The following LAMTOR3 variants were observed in gnomAD, a reference collection of about 807,000 sequenced individuals.
The protein encoded by LAMTOR3 is late endosomal/lysosomal adaptor, MAPK and MTOR activator 3.
LAMTOR3 carries 14 observed loss-of-function variants against 20.3 expected under a neutral mutation model. The observed-to-expected ratio is 0.69, with a 90% CI of 0.46 to 1.08. The LOEUF (loss-of-function observed/expected upper bound fraction) is 1.08. Ranked by LOEUF, LAMTOR3 falls within the 50% of genes least tolerant of loss-of-function variation. The pLI is 0.00. For synonymous variants in LAMTOR3, 40 were observed against 49.4 expected (o/e 0.81, Z 0.80); for missense variants, 125 against 143.7 (o/e 0.87, Z 0.67).
In LAMTOR3 at chr4:99,879,730, T is replaced by C. The variant is rs1377051771; in HGVS notation, c.*2264A>G. 2 of 152,086 alleles carry C rather than the reference T, an allele frequency of 1.3e-5. No homozygotes were observed. Among genetic ancestry groups the C allele is most frequent in the Admixed American group, 6.5e-5 (1 of 15,276 alleles). The allele number at this position is 152,086 out of a possible 1,614,324, so 9.4% of individuals were successfully genotyped here. A position where few individuals can be genotyped will look rare whatever the true frequency, so the allele number is the denominator to read the frequency against. On this transcript the variant is annotated 3_prime_UTR_variant, in exon 7 of 7. Transcript: ENST00000499666. Reference sequence around the variant, plus strand: ...GTACTGACAGGAACCCCAGATGGTATAGCCTACTACTACACACCTAGGCTA... The same window carrying C: ...GTACTGACAGGAACCCCAGATGGTACAGCCTACTACTACACACCTAGGCTA...
Position 99,880,415 on chromosome 4 carries a change from A to C in LAMTOR3, c.*1579T>G, listed in dbSNP as rs1207986231. On this transcript the variant is annotated 3_prime_UTR_variant, in exon 7 of 7. Transcript: ENST00000499666. ...CAAGACCAGCCTGGCCAACATGGTG[A>C]ATTCCTGTCTCTACTAAAAATACAC... The C allele has an allele frequency of 6.7e-6, 1 of 148,688 alleles. No homozygotes were observed. The highest frequency in any genetic ancestry group is 2.4e-5 in the African/African-American group (1 of 41,100). The allele number at this position is 148,688 out of a possible 1,614,324, so 9.2% of individuals were successfully genotyped here. A position where few individuals can be genotyped will look rare whatever the true frequency, so the allele number is the denominator to read the frequency against.
Position 99,880,054 on chromosome 4 carries a change from T to C in LAMTOR3, c.*1940A>G, listed in dbSNP as rs1471046408. The C allele has an allele frequency of 2.6e-5, 4 of 152,132 alleles. No individual in the cohort carries two copies. Among genetic ancestry groups the C allele is most frequent in the African/African-American group, 9.7e-5 (4 of 41,376 alleles). 9.4% of individuals were successfully genotyped at this position (152,132 alleles called of 1,614,324 possible). On this transcript the variant is annotated 3_prime_UTR_variant, in exon 7 of 7. Transcript: ENST00000499666. Reference sequence around the variant, plus strand: ...AACTGAAACATCATTATATGGTACATGGCTGTATTTATAGCTCTTTGCAGG... The same window carrying C: ...AACTGAAACATCATTATATGGTACACGGCTGTATTTATAGCTCTTTGCAGG...
At chr4:99,891,708 A>G (rs893583854) in intron 3 of LAMTOR3, among the ~76,000 whole-genome samples, 4 of 152,200 alleles carry the variant, frequency 2.6e-5, no homozygotes, top group African/African-American at 9.6e-5. Flanking sequence ...TCAAATAGAA[A>G]TGCTGAATTT....
intron 3 of LAMTOR3, among the ~76,000 whole-genome samples, chr4:99,889,724 T>C (rs971329462): frequency 3.9e-4 from 59 of 152,202 alleles, no homozygotes; most frequent in South Asian, 6.2e-4. Flanking sequence ...AGTTAAGTCT[T>C]GAATCTGAAC....
rs1051299960 is a variant in LAMTOR3 at position 99,880,887 on chromosome 4, G to A, written c.*1107C>T. ...GATAGACTGCATTCCTGAACATAAA[G>A]GGTATATTCTAGAACTGTAGTACCT... On this transcript the variant is annotated 3_prime_UTR_variant, in exon 7 of 7. Transcript: ENST00000499666. The A allele has an allele frequency of 2.0e-5, 3 of 152,222 alleles. No individual in the cohort carries two copies. Among genetic ancestry groups the A allele is most frequent in the Non-Finnish European group, 4.4e-5 (3 of 68,056 alleles). 9.4% of individuals were successfully genotyped at this position (152,222 alleles called of 1,614,324 possible).
rs1265297579 is a variant in LAMTOR3, at chr4:99,881,151, T to C, written c.*843A>G. ...TGGCTGAAAGAGTATATTAATTATG[T>C]TTAGATTTTTGGAAAAAGTCTGAAC... On this transcript the variant is annotated 3_prime_UTR_variant, in exon 7 of 7. Coordinates refer to ENST00000499666, the MANE Select transcript of LAMTOR3 (RefSeq NM_021970.4). 1.3e-5 allele frequency: 2 copies of C among 152,224 alleles called. No homozygotes were observed. The highest frequency in any genetic ancestry group is 4.8e-5 in the African/African-American group (2 of 41,462). 9.4% of individuals were successfully genotyped at this position (152,224 alleles called of 1,614,324 possible).
At chr4:99,889,546 C>A (rs1341734923) in intron 3 of LAMTOR3, among the ~76,000 whole-genome samples, 1 of 152,062 alleles carries the variant, frequency 6.6e-6, no homozygotes, top group African/African-American at 2.4e-5. Context: ...AATTATGTAC[C>A]AAAATATGCA....
Position 99,884,078 on chromosome 4 carries a change from G to T in LAMTOR3, c.285C>A (p.Ser95Arg). 1 of 1,610,834 alleles carries T rather than the reference G, an allele frequency of 6.2e-7. No homozygotes were observed. Among genetic ancestry groups the T allele is most frequent in the Middle Eastern group, 1.8e-4 (1 of 5,468 alleles). Residue 95 changes from serine to arginine, a missense_variant, in exon 6 of 7, where the codon AGC becomes AGA. By Grantham distance (110) the Ser-to-Arg change is moderately radical. This residue lies in a region of LAMTOR3 where 22 missense variants were observed against 31.2 expected (regional missense o/e 0.70). Transcript: ENST00000499666. Reference protein sequence around the residue: ...RLPLVVSFIASSSANTGLIVS... With the variant: ...RLPLVVSFIARSSANTGLIVS... ...TAAACACACCTGTATTGGCACTGCT[G>T]CTGGCTATGAAACTCACCACCAAAG... is the stretch of plus-strand genomic sequence containing the variant.
chr4:99,892,103 T>C, intron 2 of LAMTOR3, 69 bp from the exon 3 acceptor site: 1 of 1,478,740 alleles, frequency 6.8e-7, no homozygotes, highest in Non-Finnish European at 8.9e-7. Flanking sequence ...TCCTGTCCTA[T>C]CCAAATTTTA....
chr4:99,893,643 C>A (rs112176745), intron 2 of LAMTOR3, among the ~76,000 whole-genome samples: 4 of 152,194 alleles, frequency 2.6e-5, no homozygotes, highest in African/African-American at 9.7e-5. Context: ...AACCATCATT[C>A]AGAATTTCAA....
At position 99,878,366 on chromosome 4, in the gene LAMTOR3, T is replaced by G. The variant is rs530773083; in HGVS notation, c.*3628A>C. On this transcript the variant is annotated 3_prime_UTR_variant, in exon 7 of 7. Coordinates refer to ENST00000499666, the MANE Select transcript of LAMTOR3 (RefSeq NM_021970.4). ...CTTCTTTGGAGAGCCCTGAGACAAC[T>G]TTCTTCCCCAAATATCCCATTTTAT... 1 of 152,328 alleles carries G rather than the reference T, an allele frequency of 6.6e-6. No individual in the cohort carries two copies. The highest frequency in any genetic ancestry group is 2.1e-4 in the South Asian group (1 of 4,828). 9.4% of individuals were successfully genotyped at this position (152,328 alleles called of 1,614,324 possible). A position where few individuals can be genotyped will look rare whatever the true frequency, so the allele number is the denominator to read the frequency against.
At chr4:99,884,650 C>T (rs933713743) in intron 5 of LAMTOR3, among the ~76,000 whole-genome samples, 25 of 152,120 alleles carry the variant, frequency 1.6e-4, no homozygotes, top group Admixed American at 6.5e-5. Flanking sequence ...ACTTAATACA[C>T]ATTAAAATAT....
rs1242458927 is a variant in LAMTOR3, at chr4:99,879,548, T to C, written c.*2446A>G. 6.6e-6 allele frequency: 1 copy of C among 152,176 alleles called. No homozygotes were observed. The highest frequency in any genetic ancestry group is 1.5e-5 in the Non-Finnish European group (1 of 68,022). The allele number at this position is 152,176 out of a possible 1,614,324, so 9.4% of individuals were successfully genotyped here. A position where few individuals can be genotyped will look rare whatever the true frequency, so the allele number is the denominator to read the frequency against. ...GCACTGGCAAAAATTTCCTGAACGA[T>C]ATTAAATAATCCAGATAATGGGAAT... On this transcript the variant is annotated 3_prime_UTR_variant, in exon 7 of 7. Coordinates refer to ENST00000499666, the MANE Select transcript of LAMTOR3 (RefSeq NM_021970.4).
chr4:99,892,170 G>A, intron 2 of LAMTOR3, 136 bp from the exon 3 acceptor site: 1 of 1,373,950 alleles, frequency 7.3e-7, no homozygotes, highest in Non-Finnish European at 9.4e-7. Flanking sequence ...TTCTCTGTCT[G>A]ATTTGGATGT....
intron 2 of LAMTOR3, among the ~76,000 whole-genome samples, 194 bp downstream of exon 2, chr4:99,893,761 C>A (rs1279818386): frequency 6.6e-6 from 1 of 152,072 alleles, no homozygotes; most frequent in South Asian, 2.1e-4. Context: ...CCATTCGAGG[C>A]AGAAACTCAG....
chr4:99,884,080 T>G lies in LAMTOR3; in HGVS notation c.283A>C (p.Ser95Arg). 6.2e-7 allele frequency: 1 copy of G among 1,611,646 alleles called. No individual in the cohort carries two copies. Among genetic ancestry groups the G allele is most frequent in the Non-Finnish European group, 8.5e-7 (1 of 1,178,564 alleles). The change falls in exon 6 of 7, where the codon AGC becomes CGC. Residue 95 changes from serine (S) to arginine (R), a missense_variant. Ser to Arg is a moderately radical substitution (Grantham distance 110). Transcript: ENST00000499666. ...RLPLVVSFIA[S>R]SSANTGLIVS... ...AACACACCTGTATTGGCACTGCTGC[T>G]GGCTATGAAACTCACCACCAAAGGT...
Position 99,880,269 on chromosome 4 carries a change from TGAA to T in LAMTOR3, c.*1722_*1724del, listed in dbSNP as rs1724799331. On this transcript the variant is annotated 3_prime_UTR_variant, in exon 7 of 7. Transcript: ENST00000499666. Reference sequence around the variant, plus strand: ...TCACAAATTAATCTCATATTTACACTGAAGAAGGGAGGAAGGATGGAAGGAAGA... The same window carrying T: ...TCACAAATTAATCTCATATTTACACTGAAGGGAGGAAGGATGGAAGGAAGA... The T allele has an allele frequency of 6.6e-6, 1 of 151,976 alleles. No homozygotes were observed. The highest frequency in any genetic ancestry group is 2.4e-5 in the African/African-American group (1 of 41,340). 9.4% of individuals were successfully genotyped at this position (151,976 alleles called of 1,614,324 possible). A position where few individuals can be genotyped will look rare whatever the true frequency, so the allele number is the denominator to read the frequency against.
chr4:99,882,003 T>C lies in LAMTOR3; in HGVS notation c.366A>G (p.Glu122=). Residue 122 remains glutamate (E), a synonymous_variant, in exon 7 of 7, where the codon GAA becomes GAG. Coordinates refer to ENST00000499666, the MANE Select transcript of LAMTOR3 (RefSeq NM_021970.4). ...TGAAACCACTGTCAGATTAAGAAAC[T>C]TCCACAACTTGTCTCAGTTCTTCAA... ...PLFEELRQVV[E]VS is the part of the protein sequence containing the mutation. 6.2e-7 allele frequency: 1 copy of C among 1,603,482 alleles called. No homozygotes were observed. The highest frequency in any genetic ancestry group is 1.1e-5 in the South Asian group (1 of 89,744).
intron 6 of LAMTOR3, among the ~76,000 whole-genome samples, chr4:99,882,634 A>C (rs1226263613): frequency 6.6e-6 from 1 of 152,062 alleles, no homozygotes; most frequent in Non-Finnish European, 1.5e-5. Context: ...CTCAGAAATA[A>C]TACATATGAT....
Sources: allele counts gnomAD v4.1 joint callset (sites outside exome capture counted in the v4.1 genomes callset), GRCh38; gene constraint gnomAD v4.1.1; regional missense constraint gnomAD v4.1.1; transcripts MANE v1.5; gene names NCBI Gene and HGNC (gene_info 2026-07-23, HGNC 2026-07-21).